FRMPD4: variants seen among roughly 807,000 people sequenced by gnomAD.
The protein encoded by FRMPD4 is FERM and PDZ domain containing 4, also known as FERM and PDZ domain-containing protein 4.
Under a neutral mutation model 94.1 loss-of-function variants are expected in FRMPD4, and 22 were observed. The observed-to-expected ratio is 0.23, with a 90% CI of 0.17 to 0.33. The LOEUF (loss-of-function observed/expected upper bound fraction) is 0.33. Among genes scored for constraint, FRMPD4 ranks in the 10% least tolerant of loss-of-function variants. The pLI, the probability that FRMPD4 is intolerant of heterozygous loss-of-function variation, is 1.00. For missense variants in FRMPD4, 1,111 were observed against 1,339.9 expected (o/e 0.83, Z 2.67); for synonymous variants, 631 against 548.6 (o/e 1.15, Z -2.10).
intron 1 of FRMPD4, among the ~76,000 whole-genome samples, chrX:12,451,734 G>A (rs897559221): frequency 3.4e-4 from 5 of 14,902 alleles, no homozygotes; most frequent in Non-Finnish European, 6.0e-4. Context: ...GTGTATGCCC[G>A]TGTGTGTGTG....
intron 4 of FRMPD4, among the ~76,000 whole-genome samples, chrX:12,658,600 C>G: frequency 8.9e-6 from 1 of 111,996 alleles, no homozygotes; most frequent in Non-Finnish European, 1.9e-5. Context: ...GAGCACACAA[C>G]CTGGTGGCCT....
chrX:12,078,548 A>G (rs990752700), intron 3 of FRMPD4, among the ~76,000 whole-genome samples: 2 of 112,080 alleles, frequency 1.8e-5, no homozygotes, highest in African/African-American at 6.5e-5. Flanking sequence ...GTACATTTCC[A>G]CAATCAAGAA....
At chrX:12,522,114 CAAA>C (rs63200862) in intron 2 of FRMPD4, among the ~76,000 whole-genome samples, 5 of 88,284 alleles carry the variant, frequency 5.7e-5, no homozygotes, top group Admixed American at 1.3e-4. Flanking sequence ...GTTACTTCTT[CAAA>C]AAAAAAAAAA....
intron 1 of FRMPD4, among the ~76,000 whole-genome samples, chrX:12,339,604 G>A (rs1254960769): frequency 9.2e-6 from 1 of 108,911 alleles, no homozygotes. Flanking sequence ...AGCATCATTG[G>A]AAAAAGTTTA....
intron 1 of FRMPD4, among the ~76,000 whole-genome samples, chrX:12,475,110 C>T (rs2057576395): frequency 8.9e-6 from 1 of 111,857 alleles, no homozygotes; most frequent in Admixed American, 9.5e-5. Context: ...AAAGCTTATC[C>T]ATCATGATCA....
chrX:12,510,289 A>C (rs2058029772), intron 2 of FRMPD4, among the ~76,000 whole-genome samples: 1 of 112,468 alleles, frequency 8.9e-6, no homozygotes, highest in Non-Finnish European at 1.9e-5. Flanking sequence ...AAACCTAAAG[A>C]AATCTGAATA....
At chrX:12,353,452 C>T (rs1011221174) in intron 1 of FRMPD4, among the ~76,000 whole-genome samples, 1 of 111,943 alleles carries the variant, frequency 8.9e-6, no homozygotes, top group African/African-American at 3.2e-5. Flanking sequence ...GCTAGAAACT[C>T]ATCTCACTGG....
intron 2 of FRMPD4, among the ~76,000 whole-genome samples, chrX:11,871,118 C>T (rs1388265727): frequency 2.7e-5 from 3 of 112,561 alleles, no homozygotes; most frequent in South Asian, 3.7e-4. Context: ...TCTTCAGGAA[C>T]GATCCTCCAT....
chrX:12,701,664 G>A (rs2060192439), intron 9 of FRMPD4, among the ~76,000 whole-genome samples: 1 of 112,541 alleles, frequency 8.9e-6, no homozygotes, highest in Non-Finnish European at 1.9e-5. Context: ...GTCGATGAAT[G>A]CTAAATGTTT....
At position 12,707,471 on chromosome X, in the gene FRMPD4, G is replaced by A; in HGVS notation, c.1290G>A (p.Gln430=). ...TGTTGTCAACTTCTCTTTCTCAGCA[G>A]GCAGAAAAGCGCTCGGAAGTGACTC... The part of the protein sequence containing the change: ...GGRVFKATLV[Q]AEKRSEVTLL... Residue 430 remains glutamine, a splice_region_variant and synonymous_variant, in exon 13 of 17, where the codon CAG becomes CAA. Coordinates refer to ENST00000675598, the MANE Select transcript of FRMPD4 (RefSeq NM_001368397.1). 8.4e-7 allele frequency: 1 copy of A among 1,190,892 alleles called. No individual in the cohort carries two copies.
chrX:12,380,986 G>A (rs961440326), intron 1 of FRMPD4, among the ~76,000 whole-genome samples: 1 of 111,643 alleles, frequency 9.0e-6, no homozygotes, highest in African/African-American at 3.3e-5. Flanking sequence ...GATGAGTCTG[G>A]GGGCTTCTGT....
chrX:11,879,042 T>G (rs1225030059), intron 3 of FRMPD4, among the ~76,000 whole-genome samples: 1 of 112,211 alleles, frequency 8.9e-6, no homozygotes, highest in Non-Finnish European at 1.9e-5. Context: ...GGTGGCACTA[T>G]TTGTCTACAA....
At chrX:12,418,670 A>G (rs751180440) in intron 1 of FRMPD4, among the ~76,000 whole-genome samples, 1 of 110,036 alleles carries the variant, frequency 9.1e-6, no homozygotes, top group Non-Finnish European at 1.9e-5. Context: ...ATCCATCAGT[A>G]TTTCTAAGTG....
intron 1 of FRMPD4, among the ~76,000 whole-genome samples, chrX:12,173,981 C>T (rs1416739043): frequency 9.0e-6 from 1 of 111,566 alleles, no homozygotes. Flanking sequence ...GACACTCTTC[C>T]AGGGGCTCTT....
At chrX:12,283,596 A>G (rs752691435) in intron 1 of FRMPD4, among the ~76,000 whole-genome samples, 7 of 109,186 alleles carry the variant, frequency 6.4e-5, no homozygotes, top group Non-Finnish European at 1.3e-4. Context: ...AAAATATAAG[A>G]CACATTGGAT....
At chrX:12,407,511 G>GTGAC (rs2056680421) in intron 1 of FRMPD4, among the ~76,000 whole-genome samples, 1 of 111,716 alleles carries the variant, frequency 9.0e-6, no homozygotes, top group Admixed American at 9.5e-5. Flanking sequence ...CCCTAGTAGG[G>GTGAC]TGACTGTTGA....
intron 1 of FRMPD4, among the ~76,000 whole-genome samples, chrX:12,221,534 A>G (rs1209918443): frequency 8.9e-6 from 1 of 112,364 alleles, no homozygotes; most frequent in Non-Finnish European, 1.9e-5. Flanking sequence ...TGTGAGCTGA[A>G]ACAGAGGAAG....
chrX:11,900,924 C>T (rs1340234802), intron 3 of FRMPD4, among the ~76,000 whole-genome samples: 1 of 111,324 alleles, frequency 9.0e-6, no homozygotes, highest in Non-Finnish European at 1.9e-5. Flanking sequence ...AAAGAGGGTG[C>T]TTCCTTCAAG....
At chrX:12,646,516 T>C (rs2059548940) in intron 4 of FRMPD4, among the ~76,000 whole-genome samples, 1 of 112,229 alleles carries the variant, frequency 8.9e-6, no homozygotes, top group Non-Finnish European at 1.9e-5. Context: ...GAGAAAATTT[T>C]ATCATGGTTC....
Sources: gnomAD v4.1 joint callset for allele counts (sites outside exome capture counted in the v4.1 genomes callset) on GRCh38, gnomAD v4.1.1 for gene constraint, MANE v1.5 for transcripts, NCBI Gene and HGNC (gene_info 2026-07-23, HGNC 2026-07-21) for gene names.